Variants in NRDC observed in about 807,000 individuals in gnomAD.
NRDC encodes nardilysin convertase, also known as nardilysin.
A neutral mutation model predicts 147.1 loss-of-function variants in NRDC; 54 were observed. The observed-to-expected ratio is 0.37, with a 90% CI of 0.29 to 0.46. The LOEUF (loss-of-function observed/expected upper bound fraction) is 0.46, where lower values mean the gene tolerates loss of function less well. NRDC is among the 20% of genes least tolerant of loss of function. The pLI, the probability that NRDC is intolerant of heterozygous loss-of-function variation, is 1.00. For missense variants in NRDC, 1,082 were observed against 1,370.6 expected (o/e 0.79, Z 3.33); for synonymous variants, 440 against 482.1 (o/e 0.91, Z 1.14).
chr1:51,840,667 T>C (rs1240477133), intron 1 of NRDC, among the ~76,000 whole-genome samples, 153 bp from the exon 2 acceptor site: 14 of 152,180 alleles, frequency 9.2e-5, no homozygotes, highest in Admixed American at 9.2e-4. Context: ...AATTGGTTGC[T>C]CTGGAGAGGG....
chr1:51,789,753 T>C (rs1387135684), intron 29 of NRDC, 96 bp from the exon 30 acceptor site: 3 of 817,862 alleles, frequency 3.7e-6, no homozygotes, highest in African/African-American at 3.4e-5. Flanking sequence ...GCTTAGCATC[T>C]GAAGACCTCA....
At position 51,878,255 on chromosome 1, in the gene NRDC, T is replaced by C. The variant is rs748690910; in HGVS notation, c.341+20A>G. On this transcript the variant is annotated intron_variant, in intron 1 of 30. Coordinates refer to ENST00000352171, the MANE Select transcript of NRDC (RefSeq NM_001101662.2). The stretch of plus-strand genomic sequence containing the variant: ...AGCCGGCACACTGTTCGCCTCCCCA[T>C]TGCAAGCCTCCTCCCTCACCGGTAT... 1.3e-6 allele frequency: 2 copies of C among 1,599,514 alleles called. No individual in the cohort carries two copies. The highest frequency in any genetic ancestry group is 1.7e-5 in the Admixed American group (1 of 59,374).
At chr1:51,858,853 G>A (rs1013635264) in intron 1 of NRDC, among the ~76,000 whole-genome samples, 14 of 152,122 alleles carry the variant, frequency 9.2e-5, no homozygotes, top group Non-Finnish European at 1.6e-4. Flanking sequence ...CATCTATAAA[G>A]GAAATCTCCA....
At chr1:51,846,504 G>A (rs1681603252) in intron 1 of NRDC, among the ~76,000 whole-genome samples, 1 of 152,252 alleles carries the variant, frequency 6.6e-6, no homozygotes, top group African/African-American at 2.4e-5. Context: ...TGAAGCCGCG[G>A]AGCCCCGCGG....
chr1:51,789,846 A>G, intron 29 of NRDC, 189 bp from the exon 30 acceptor site: 2 of 592,620 alleles, frequency 3.4e-6, no homozygotes, highest in East Asian at 5.6e-5. Flanking sequence ...TTCACATTTT[A>G]TACCAATCAT....
intron 1 of NRDC, among the ~76,000 whole-genome samples, chr1:51,867,221 T>C (rs148690013): frequency 6.6e-6 from 1 of 152,160 alleles, no homozygotes; most frequent in African/African-American, 2.4e-5. Flanking sequence ...TATCCTTATG[T>C]AACAAGCCAA....
intron 1 of NRDC, among the ~76,000 whole-genome samples, chr1:51,867,523 A>T (rs1682874838): frequency 6.6e-6 from 1 of 152,216 alleles, no homozygotes; most frequent in African/African-American, 2.4e-5. Flanking sequence ...GAGAAGTCTG[A>T]AAATTGAGCC....
At chr1:51,859,496 C>T (rs1420221177) in intron 1 of NRDC, among the ~76,000 whole-genome samples, 1 of 152,228 alleles carries the variant, frequency 6.6e-6, no homozygotes, top group Non-Finnish European at 1.5e-5. Context: ...CAATATATCC[C>T]CTTTTCCCCT....
At chr1:51,812,179 C>G (rs1679754345) in intron 14 of NRDC, 81 bp from the exon 15 acceptor site, 2 of 1,001,936 alleles carry the variant, frequency 2.0e-6, no homozygotes, top group Admixed American at 3.9e-5. Flanking sequence ...TACTTTCTCC[C>G]TTTCTTATTA....
chr1:51,829,699 A>G (rs1680614972), intron 4 of NRDC, among the ~76,000 whole-genome samples: 2 of 152,000 alleles, frequency 1.3e-5, no homozygotes, highest in African/African-American at 4.8e-5. Flanking sequence ...TATGCTTCAT[A>G]TTCTTTGTAT....
chr1:51,835,360 C>T (rs2149218861), intron 3 of NRDC, among the ~76,000 whole-genome samples: 1 of 151,706 alleles, frequency 6.6e-6, no homozygotes, highest in Non-Finnish European at 1.5e-5. Flanking sequence ...CGCGCCCGGC[C>T]CCGTGTAAGT....
intron 1 of NRDC, among the ~76,000 whole-genome samples, chr1:51,843,137 G>C (rs1468738990): frequency 2.0e-5 from 3 of 151,120 alleles, no homozygotes; most frequent in African/African-American, 4.9e-5. Context: ...GGATACAGAG[G>C]GATTAAAATG....
In NRDC at chr1:51,823,773, C is replaced by A. The variant is rs200248005; in HGVS notation, c.1050G>T (p.Thr350=). The change falls in exon 7 of 31, where the codon ACG becomes ACT. Residue 350 remains threonine, a synonymous_variant. Coordinates refer to ENST00000352171, the MANE Select transcript of NRDC (RefSeq NM_001101662.2). ...MGKFFWGNAE[T]LKHEPRKNNI... ...TATTCTTTCTTGGCTCATGCTTGAG[C>A]GTCTCAGCATTTCCTATAAAAGAAT... 1 of 1,598,732 alleles carries A rather than the reference C, an allele frequency of 6.3e-7. No individual in the cohort carries two copies. Among genetic ancestry groups the A allele is most frequent in the South Asian group, 1.1e-5 (1 of 88,546 alleles).
chr1:51,850,666 G>T (rs988337674), intron 1 of NRDC, among the ~76,000 whole-genome samples: 7 of 152,174 alleles, frequency 4.6e-5, no homozygotes, highest in Admixed American at 1.3e-4. Flanking sequence ...CTCAACATCT[G>T]TCACTTCAGT....
Position 51,789,293 on chromosome 1 carries a change from A to G in NRDC, c.3399T>C (p.Asp1133=), listed in dbSNP as rs923623997. 3.1e-6 allele frequency: 5 copies of G among 1,614,164 alleles called. No homozygotes were observed. The highest frequency in any genetic ancestry group is 1.1e-5 in the South Asian group (1 of 91,092). The change falls in exon 31 of 31, where the codon GAT becomes GAC. Residue 1133 remains aspartate (D), a synonymous_variant. Transcript: ENST00000352171. The part of the protein sequence containing the change: ...LLADCIIPIT[D]IRAFTTTLNL... ...TGAGTGTTGTTGTGAAAGCCCTGAT[A>G]TCAGTAATGGGGATGATACAATCTG...
At chr1:51,863,872 C>A (rs2124092963) in intron 1 of NRDC, among the ~76,000 whole-genome samples, 1 of 152,250 alleles carries the variant, frequency 6.6e-6, no homozygotes, top group South Asian at 2.1e-4. Flanking sequence ...AGGGTTAGGT[C>A]CTGAAAAACC....
At chr1:51,823,197 T>C (rs1680283364) in intron 7 of NRDC, among the ~76,000 whole-genome samples, 1 of 152,238 alleles carries the variant, frequency 6.6e-6, no homozygotes, top group African/African-American at 2.4e-5. Flanking sequence ...CAGTATTTTA[T>C]ATTTAAGATA....
chr1:51,863,177 G>A (rs1031657976), intron 1 of NRDC, among the ~76,000 whole-genome samples: 24 of 151,986 alleles, frequency 1.6e-4, no homozygotes, highest in Admixed American at 5.9e-4. Context: ...CAAGGCAGGC[G>A]GATCACTTGA....
chr1:51,845,284 A>C (rs745627456), intron 1 of NRDC, among the ~76,000 whole-genome samples: 3 of 152,080 alleles, frequency 2.0e-5, no homozygotes, highest in Non-Finnish European at 4.4e-5. Flanking sequence ...TACCTCTTTC[A>C]AGTCTTTCAT....
Sources: allele counts gnomAD v4.1 joint callset (sites outside exome capture counted in the v4.1 genomes callset), GRCh38; gene constraint gnomAD v4.1.1; transcripts MANE v1.5; gene names NCBI Gene and HGNC (gene_info 2026-07-23, HGNC 2026-07-21).